NRXN1: variants seen among roughly 807,000 people sequenced by gnomAD.
NRXN1 encodes neurexin 1.
Under a neutral mutation model 150.9 loss-of-function variants are expected in NRXN1, and 39 were observed. That is an observed-to-expected ratio of 0.26 (90% confidence interval 0.20 to 0.34). The LOEUF (loss-of-function observed/expected upper bound fraction) is 0.34. Among genes scored for constraint, NRXN1 ranks in the 10% least tolerant of loss-of-function variants. The pLI is 1.00. For missense variants in NRXN1, 1,815 were observed against 1,949.9 expected, an observed-to-expected ratio of 0.93 and a Z score of 1.30; for synonymous variants, 924 against 757.0, an observed-to-expected ratio of 1.22 and a Z score of -3.62.
intron 18 of NRXN1, among the ~76,000 whole-genome samples, chr2:50,219,984 AT>A (rs1273165870): frequency 2.2e-3 from 99 of 44,728 alleles, no homozygotes; most frequent in African/African-American, 0.022. Context: ...TAATATATAT[AT>A]TATATATAAT....
intron 5 of NRXN1, among the ~76,000 whole-genome samples, chr2:50,868,019 T>G (rs528865187): frequency 8.4e-4 from 127 of 151,290 alleles, no homozygotes; most frequent in African/African-American, 3.0e-3. Flanking sequence ...TTTCTTTTAA[T>G]AAGGTAACTT....
At chr2:50,296,820 A>C (rs2073628265) in intron 17 of NRXN1, among the ~76,000 whole-genome samples, 1 of 151,482 alleles carries the variant, frequency 6.6e-6, no homozygotes, top group Non-Finnish European at 1.5e-5. Flanking sequence ...TTTCTGAGTT[A>C]CTTAGAATAT....
At chr2:50,795,559 T>C (rs763332872) in intron 5 of NRXN1, among the ~76,000 whole-genome samples, 9 of 151,764 alleles carry the variant, frequency 5.9e-5, no homozygotes, top group Non-Finnish European at 1.2e-4. Flanking sequence ...TTCTCTCTCT[T>C]TCACCCCCTT....
At chr2:50,280,708 G>C (rs1168967742) in intron 17 of NRXN1, among the ~76,000 whole-genome samples, 4 of 152,080 alleles carry the variant, frequency 2.6e-5, no homozygotes, top group Non-Finnish European at 2.9e-5. Flanking sequence ...TATGATTCAG[G>C]CTCTGACGGC....
intron 18 of NRXN1, among the ~76,000 whole-genome samples, chr2:50,149,861 T>C (rs1218351563): frequency 3.3e-5 from 5 of 151,692 alleles, no homozygotes; most frequent in Admixed American, 2.0e-4. Context: ...AATAGGCTTG[T>C]TTTCATTATT....
chr2:50,873,057 A>C (rs1678032632), intron 5 of NRXN1, among the ~76,000 whole-genome samples: 1 of 151,866 alleles, frequency 6.6e-6, no homozygotes, highest in Non-Finnish European at 1.5e-5. Context: ...GTTAGATCAC[A>C]GACACTGGAA....
At chr2:50,189,372 G>T (rs1020949133) in intron 18 of NRXN1, among the ~76,000 whole-genome samples, 21 of 152,012 alleles carry the variant, frequency 1.4e-4, no homozygotes, top group Admixed American at 3.9e-4. Context: ...GCTGGGGGTT[G>T]GGGGGTAGGG....
intron 5 of NRXN1, among the ~76,000 whole-genome samples, chr2:50,682,569 C>T (rs564290774): frequency 1.3e-5 from 2 of 152,028 alleles, no homozygotes; most frequent in South Asian, 2.1e-4. Flanking sequence ...CTATATTTAG[C>T]GATGTTATAG....
At chr2:50,069,619 G>T (rs1290447750) in intron 19 of NRXN1, among the ~76,000 whole-genome samples, 3 of 152,074 alleles carry the variant, frequency 2.0e-5, no homozygotes, top group Non-Finnish European at 4.4e-5. Flanking sequence ...AAGAATTTCA[G>T]TTGGCATCTG....
intron 5 of NRXN1, among the ~76,000 whole-genome samples, chr2:50,715,086 A>G (rs1299858924): frequency 2.0e-5 from 3 of 152,146 alleles, no homozygotes; most frequent in African/African-American, 4.8e-5. Flanking sequence ...TTCTATGGAA[A>G]ACAATGCAAA....
chr2:50,962,428 A>C (rs1399612881), intron 2 of NRXN1, among the ~76,000 whole-genome samples: 2 of 151,696 alleles, frequency 1.3e-5, no homozygotes, highest in Non-Finnish European at 3.0e-5. Context: ...CCTCTTATAG[A>C]ATGCTTCATG....
chr2:50,924,167 G>A (rs1256435859), intron 3 of NRXN1, among the ~76,000 whole-genome samples: 2 of 151,634 alleles, frequency 1.3e-5, no homozygotes, highest in African/African-American at 4.8e-5. Context: ...AAATTGTCTT[G>A]AAGATCTACC....
intron 5 of NRXN1, among the ~76,000 whole-genome samples, chr2:50,686,768 G>C (rs1366944132): frequency 6.6e-6 from 1 of 152,194 alleles, no homozygotes; most frequent in Non-Finnish European, 1.5e-5. Flanking sequence ...AGTCAATGAA[G>C]CAAAGACTTT....
At chr2:50,806,284 A>T (rs566411243) in intron 5 of NRXN1, among the ~76,000 whole-genome samples, 2 of 152,314 alleles carry the variant, frequency 1.3e-5, no homozygotes, top group African/African-American at 4.8e-5. Context: ...ATTACAGTTA[A>T]GAAATGTTTT....
At chr2:50,239,062 C>T (rs144172081) in intron 17 of NRXN1, among the ~76,000 whole-genome samples, 8 of 122,392 alleles carry the variant, frequency 6.5e-5, no homozygotes, top group African/African-American at 2.2e-4. Flanking sequence ...CAGGGCTTTC[C>T]TGAGCCACTT....
chr2:50,314,175 T>C (rs2075404884), intron 17 of NRXN1, among the ~76,000 whole-genome samples: 1 of 152,058 alleles, frequency 6.6e-6, no homozygotes, highest in African/African-American at 2.4e-5. Flanking sequence ...TAGACGCTAG[T>C]CCTCCTCTCA....
intron 17 of NRXN1, among the ~76,000 whole-genome samples, chr2:50,400,034 A>C (rs17040577): frequency 0.25 from 38,411 of 151,712 alleles, 5,265 homozygotes; most frequent in East Asian, 0.43. Context: ...TACAATTAAC[A>C]CTTGCCAAAC....
At chr2:50,707,557 A>G (rs572882123) in intron 5 of NRXN1, among the ~76,000 whole-genome samples, 1 of 152,112 alleles carries the variant, frequency 6.6e-6, no homozygotes, top group Non-Finnish European at 1.5e-5. Flanking sequence ...GCTTTTTATC[A>G]TTTCAAAACT....
At chr2:50,001,470 G>C (rs950744401) in intron 21 of NRXN1, among the ~76,000 whole-genome samples, 4 of 151,986 alleles carry the variant, frequency 2.6e-5, no homozygotes, top group Admixed American at 2.6e-4. Flanking sequence ...ATATAAAAGA[G>C]TAAGCTATTA....
Sources: allele counts gnomAD v4.1 joint callset (sites outside exome capture counted in the v4.1 genomes callset), GRCh38; gene constraint gnomAD v4.1.1; transcripts MANE v1.5; gene names NCBI Gene and HGNC (gene_info 2026-07-23, HGNC 2026-07-21).